The following ARHGEF26 variants were observed in gnomAD, a reference collection of about 807,000 sequenced individuals.
The protein encoded by ARHGEF26 is Rho guanine nucleotide exchange factor 26, also known as Rho guanine nucleotide exchange factor (GEF) 26.
In ARHGEF26, 59 loss-of-function variants were observed where a neutral mutation model predicts 89.4. That is an observed-to-expected ratio of 0.66 (90% CI 0.54 to 0.82). The LOEUF (loss-of-function observed/expected upper bound fraction) is 0.82, where lower values mean the gene tolerates loss of function less well. Among genes scored for constraint, ARHGEF26 ranks in the 40% least tolerant of loss-of-function variants. The pLI, the probability that ARHGEF26 is intolerant of heterozygous loss-of-function variation, is 0.00. For missense variants in ARHGEF26, 1,234 were observed against 1,085.6 expected, an observed-to-expected ratio of 1.14 and a Z score of -1.92; for synonymous variants, 500 against 428.4, an observed-to-expected ratio of 1.17 and a Z score of -2.06.
intron 6 of ARHGEF26, among the ~76,000 whole-genome samples, chr3:154,170,063 GAAAA>G (rs879446363): frequency 6.9e-6 from 1 of 145,854 alleles, no homozygotes; most frequent in South Asian, 2.2e-4. Context: ...TTAGCTATAA[GAAAA>G]AAAAAAACAA....
At chr3:154,127,614 T>G (rs1435025633) in intron 3 of ARHGEF26, among the ~76,000 whole-genome samples, 1 of 151,966 alleles carries the variant, frequency 6.6e-6, no homozygotes, top group Non-Finnish European at 1.5e-5. Context: ...TTTTTTTTTT[T>G]TTTTGGTAAG....
chr3:154,183,969 T>C (rs1218109876), intron 6 of ARHGEF26, among the ~76,000 whole-genome samples: 1 of 143,510 alleles, frequency 7.0e-6, no homozygotes, highest in Non-Finnish European at 1.5e-5. Context: ...CTTTTTTCAA[T>C]TTTCTTTCTT....
Position 154,255,884 on chromosome 3 carries a change from A to ATATC in ARHGEF26, c.*413_*416dup, listed in dbSNP as rs1559933076. 11 of 993,316 alleles carry ATATC rather than the reference A, an allele frequency of 1.1e-5. No individual in the cohort carries two copies. The highest frequency in any genetic ancestry group is 3.5e-5 in the African/African-American group (2 of 57,644). The allele number at this position is 993,316 out of a possible 1,614,324, so 61.5% of individuals were successfully genotyped here. On this transcript the variant is annotated 3_prime_UTR_variant, in exon 15 of 15. Transcript: ENST00000465093. ...GTTCTCCCAGTATTAGCAAGATTGTATATCTGTAAAGAATGTCCAGTTTTG... is the reference window on the plus strand; with the variant it reads ...GTTCTCCCAGTATTAGCAAGATTGTATATCTATCTGTAAAGAATGTCCAGTTTTG...
intron 6 of ARHGEF26, among the ~76,000 whole-genome samples, chr3:154,181,374 G>A (rs1713173319): frequency 6.6e-6 from 1 of 152,134 alleles, no homozygotes; most frequent in Admixed American, 6.5e-5. Flanking sequence ...ACCTTCTCTG[G>A]TAGGATACTG....
chr3:154,230,194 C>G (rs748205413), intron 11 of ARHGEF26, among the ~76,000 whole-genome samples: 4 of 152,202 alleles, frequency 2.6e-5, no homozygotes, highest in Non-Finnish European at 4.4e-5. Flanking sequence ...TAGTTTCTTA[C>G]AGCTGCTGTA....
At chr3:154,236,846 A>G (rs76759636) in intron 11 of ARHGEF26, among the ~76,000 whole-genome samples, 1,800 of 152,362 alleles carry the variant, frequency 0.012, 10 homozygotes, top group Non-Finnish European at 0.016. Context: ...ATAATGCAGA[A>G]GTTTACTGGC....
intron 6 of ARHGEF26, among the ~76,000 whole-genome samples, chr3:154,184,643 C>G (rs1330500834): frequency 6.6e-6 from 1 of 152,132 alleles, no homozygotes; most frequent in South Asian, 2.1e-4. Context: ...AGATTGTTAC[C>G]CTATGCTGGG....
In ARHGEF26 at chr3:154,242,569, G is replaced by T. The variant is rs1415658349; in HGVS notation, c.2300+1990G>T. Among the ~76,000 whole-genome samples the T allele has an allele frequency of 2.0e-5, 3 of 152,204 alleles. No homozygotes were observed. The South Asian group carries it at 6.2e-4, about 31-fold the overall frequency. On this transcript the variant is annotated intron_variant, in intron 12 of 14. Transcript: ENST00000465093. ...AAGTGAAGTTGCTGTGAGCATTGTGGAAATGACAACAAAGGATTTAGAATA... is the reference window on the plus strand; with the variant it reads ...AAGTGAAGTTGCTGTGAGCATTGTGTAAATGACAACAAAGGATTTAGAATA...
Position 154,165,489 on chromosome 3 carries a change from A to G in ARHGEF26, c.1487+12557A>G, listed in dbSNP as rs149424704. On this transcript the variant is annotated intron_variant, in intron 6 of 14. Transcript: ENST00000465093. ...CTCTGCATGCTGTTGAATAAAGCAT[A>G]TTTTTCCGGACTCTTTGAAGACCCC... Among the ~76,000 whole-genome samples the G allele has an allele frequency of 1.4e-4, 21 of 152,224 alleles. 1 individual carries two copies. The East Asian group carries it at 4.1e-3, about 29-fold the overall frequency.
At chr3:154,206,759 G>T (rs1715042137) in intron 9 of ARHGEF26, among the ~76,000 whole-genome samples, 2 of 152,104 alleles carry the variant, frequency 1.3e-5, no homozygotes, top group South Asian at 2.1e-4. Context: ...TAGAAAAAAA[G>T]TATTTTAAAA....
chr3:154,165,983 C>T (rs1711995436), intron 6 of ARHGEF26, among the ~76,000 whole-genome samples: 1 of 152,078 alleles, frequency 6.6e-6, no homozygotes, highest in African/African-American at 2.4e-5. Flanking sequence ...TGAAAGCCTC[C>T]TGGGGATGGT....
chr3:154,216,857 C>T (rs1461851564), intron 9 of ARHGEF26, among the ~76,000 whole-genome samples: 4 of 84,304 alleles, frequency 4.7e-5, no homozygotes, highest in Non-Finnish European at 9.2e-5. Flanking sequence ...CTACAAAGGA[C>T]ATGAACTCAT....
At chr3:154,164,543 A>G (rs1375419131) in intron 6 of ARHGEF26, among the ~76,000 whole-genome samples, 1 of 152,166 alleles carries the variant, frequency 6.6e-6, no homozygotes, top group Admixed American at 6.5e-5. Flanking sequence ...TTCCATAGAA[A>G]TGTCAAGATT....
chr3:154,176,043 T>C (rs755145514), intron 6 of ARHGEF26, among the ~76,000 whole-genome samples: 3 of 152,204 alleles, frequency 2.0e-5, no homozygotes, highest in Admixed American at 6.5e-5. Flanking sequence ...ACTCAAACAG[T>C]ATTGTTACCG....
At chr3:154,158,011 G>A (rs535814565) in intron 6 of ARHGEF26, among the ~76,000 whole-genome samples, 42 of 152,176 alleles carry the variant, frequency 2.8e-4, no homozygotes, top group African/African-American at 9.6e-4. Flanking sequence ...ACCCCCTAAG[G>A]ATACTTGGAA....
intron 10 of ARHGEF26, among the ~76,000 whole-genome samples, chr3:154,225,236 CCA>C (rs1716411414): frequency 1.3e-5 from 2 of 152,182 alleles, no homozygotes; most frequent in Admixed American, 1.3e-4. Context: ...ATTTTCACAG[CCA>C]GAAAGTAGTA....
chr3:154,195,371 T>TG (rs903396943), intron 9 of ARHGEF26, among the ~76,000 whole-genome samples: 3 of 152,108 alleles, frequency 2.0e-5, no homozygotes, highest in African/African-American at 7.2e-5. Context: ...GCTAGGCTGT[T>TG]GGGGGCCTGA....
At chr3:154,254,042 A>C (rs1718326130) in intron 13 of ARHGEF26, among the ~76,000 whole-genome samples, 1 of 152,144 alleles carries the variant, frequency 6.6e-6, no homozygotes, top group Non-Finnish European at 1.5e-5. Flanking sequence ...CAGCCTCCCA[A>C]GTAGCTGAGA....
intron 9 of ARHGEF26, among the ~76,000 whole-genome samples, chr3:154,212,141 C>T (rs1715408339): frequency 6.6e-6 from 1 of 152,034 alleles, no homozygotes; most frequent in African/African-American, 2.4e-5. Context: ...GAGTTCGAGA[C>T]CAGCCTGGGC....
Sources: gnomAD v4.1 joint callset for allele counts (sites outside exome capture counted in the v4.1 genomes callset) on GRCh38, gnomAD v4.1.1 for gene constraint, MANE v1.5 for transcripts, NCBI Gene and HGNC (gene_info 2026-07-23, HGNC 2026-07-21) for gene names.